PPP2R5E: variants seen among roughly 807,000 people sequenced by gnomAD.
PPP2R5E encodes the protein serine/threonine-protein phosphatase 2A 56 kDa regulatory subunit epsilon isoform.
PPP2R5E carries 4 observed loss-of-function variants against 65.3 expected under a neutral mutation model. The observed-to-expected ratio is 0.06, with a 90% CI of 0.03 to 0.14. PPP2R5E has a LOEUF of 0.14. PPP2R5E is among the 10% of genes least tolerant of loss of function. The pLI is 1.00. For missense variants in PPP2R5E, 274 were observed against 556.1 expected (o/e 0.49, Z 5.10); for synonymous variants, 183 against 187.4 (o/e 0.98, Z 0.19).
At chr14:63,481,925 G>T (rs1207769155) in intron 2 of PPP2R5E, among the ~76,000 whole-genome samples, 2 of 152,134 alleles carry the variant, frequency 1.3e-5, no homozygotes, top group Non-Finnish European at 2.9e-5. Flanking sequence ...AACAGTTAAA[G>T]AATTCATTCA....
Position 63,543,111 on chromosome 14 carries a change from G to T in PPP2R5E, c.-340C>A, listed in dbSNP as rs1893976268. 6.5e-6 allele frequency: 1 copy of T among 153,026 alleles called. No homozygotes were observed. Among genetic ancestry groups the T allele is most frequent in the Admixed American group, 6.5e-5 (1 of 15,286 alleles). The allele number at this position is 153,026 out of a possible 1,614,324, so 9.5% of individuals were successfully genotyped here. A position where few individuals can be genotyped will look rare whatever the true frequency, so the allele number is the denominator to read the frequency against. On this transcript the variant is annotated 5_prime_UTR_variant, in exon 1 of 14. Transcript: ENST00000337537. ...TCCTCGCTCACATTCCTGGCGGGCG[G>T]CGCCTCAGCTCGTTGCCCCGGACCC...
intron 3 of PPP2R5E, among the ~76,000 whole-genome samples, chr14:63,446,601 G>A (rs529772753): frequency 8.5e-5 from 13 of 152,170 alleles, no homozygotes; most frequent in African/African-American, 2.6e-4. Flanking sequence ...AGGCCGAGGC[G>A]GGTGGACCAC....
At chr14:63,508,563 C>A (rs1366865450) in intron 2 of PPP2R5E, among the ~76,000 whole-genome samples, 1 of 152,164 alleles carries the variant, frequency 6.6e-6, no homozygotes, top group African/African-American at 2.4e-5. Flanking sequence ...CCCCTTTTTA[C>A]CACCAAGGAA....
At chr14:63,443,375 A>G (rs143310148) in intron 3 of PPP2R5E, among the ~76,000 whole-genome samples, 171 of 152,352 alleles carry the variant, frequency 1.1e-3, no homozygotes, top group African/African-American at 3.9e-3. Context: ...TAGAGACAAA[A>G]TAAAAATAAT....
intron 2 of PPP2R5E, among the ~76,000 whole-genome samples, chr14:63,534,350 C>T (rs558237708): frequency 2.0e-5 from 3 of 152,022 alleles, no homozygotes; most frequent in African/African-American, 4.8e-5. Flanking sequence ...CTGCAACCTC[C>T]ACCTCCCGGG....
At chr14:63,382,241 G>T in intron 12 of PPP2R5E, 84 bp from the exon 13 acceptor site, 1 of 1,026,126 alleles carries the variant, frequency 9.7e-7, no homozygotes, top group Non-Finnish European at 1.5e-6. Context: ...CACAACTTTT[G>T]TCTGAATGAT....
chr14:63,474,094 C>T lies in PPP2R5E; in HGVS notation c.158-20209G>A, dbSNP rs924458004. 3.3e-5 allele frequency among the ~76,000 whole-genome samples: 5 copies of T among 152,182 alleles called. No homozygotes were observed. The East Asian group carries it at 9.6e-4, about 29-fold the overall frequency. Reference sequence around the variant, plus strand: ...AGAAACAGGGACACCAGTTAGGAGACTACAGCTACATAGGAGGCAACTGTT... The same window carrying T: ...AGAAACAGGGACACCAGTTAGGAGATTACAGCTACATAGGAGGCAACTGTT... On this transcript the variant is annotated intron_variant, in intron 2 of 13. Transcript: ENST00000337537.
At chr14:63,438,312 G>T (rs772411208) in intron 3 of PPP2R5E, among the ~76,000 whole-genome samples, 2 of 152,202 alleles carry the variant, frequency 1.3e-5, no homozygotes, top group African/African-American at 4.8e-5. Context: ...CTCCTCAGTA[G>T]AGAGACAGCC....
intron 5 of PPP2R5E, among the ~76,000 whole-genome samples, chr14:63,405,535 T>A (rs1886019190): frequency 6.6e-6 from 1 of 152,230 alleles, no homozygotes; most frequent in Non-Finnish European, 1.5e-5. Context: ...TACAAATTAC[T>A]AAATAGCAAT....
intron 10 of PPP2R5E, 40 bp from the exon 11 acceptor site, chr14:63,389,771 T>A (rs760953196): frequency 2.6e-5 from 39 of 1,516,444 alleles, no homozygotes; most frequent in Non-Finnish European, 3.3e-5. Context: ...AGGCACATCA[T>A]GAAAAAAAAT....
At chr14:63,421,005 ATCC>A (rs1225826777) in intron 4 of PPP2R5E, among the ~76,000 whole-genome samples, 1 of 119,474 alleles carries the variant, frequency 8.4e-6, no homozygotes, top group African/African-American at 3.5e-5. Context: ...GTGAGCCGAG[ATCC>A]CGCCACTGCA....
intron 2 of PPP2R5E, among the ~76,000 whole-genome samples, chr14:63,471,611 A>C (rs1343481954): frequency 1.3e-5 from 2 of 152,152 alleles, no homozygotes; most frequent in Admixed American, 1.3e-4. Flanking sequence ...TCCTTTCTAC[A>C]ATGCTGTGAG....
chr14:63,535,894 A>G (rs1893655972), intron 2 of PPP2R5E, among the ~76,000 whole-genome samples: 1 of 152,222 alleles, frequency 6.6e-6, no homozygotes, highest in Non-Finnish European at 1.5e-5. Context: ...AATCCTAGAA[A>G]AGAAATTCCT....
intron 2 of PPP2R5E, among the ~76,000 whole-genome samples, chr14:63,462,090 A>T (rs113650906): frequency 0.028 from 4,047 of 145,442 alleles, 164 homozygotes; most frequent in African/African-American, 0.094. Flanking sequence ...TTTTTTTTTT[A>T]GACGGAGTCT....
At chr14:63,492,776 T>C (rs1891343408) in intron 2 of PPP2R5E, among the ~76,000 whole-genome samples, 2 of 152,164 alleles carry the variant, frequency 1.3e-5, no homozygotes, top group South Asian at 4.1e-4. Context: ...TGGTGGCATG[T>C]GTGTGTTTTA....
In PPP2R5E at chr14:63,508,438, A is replaced by G. The variant is rs139302835; in HGVS notation, c.157+31091T>C. Among the ~76,000 whole-genome samples the G allele has an allele frequency of 5.0e-3, 767 of 152,312 alleles. 14 individuals carry two copies. The South Asian group carries it at 0.073, about 14-fold the overall frequency. ...GGTATCATTTTCCTGAATTCTTCAG[A>G]AAATATGCCTTCTATATATATTAGC... is the stretch of plus-strand genomic sequence containing the variant. On this transcript the variant is annotated intron_variant, in intron 2 of 13. Coordinates refer to ENST00000337537, the MANE Select transcript of PPP2R5E (RefSeq NM_006246.5).
intron 3 of PPP2R5E, among the ~76,000 whole-genome samples, chr14:63,429,346 T>C (rs1413761464): frequency 6.6e-6 from 1 of 152,212 alleles, no homozygotes; most frequent in Non-Finnish European, 1.5e-5. Context: ...AAGAATGTTA[T>C]CATGGCTATA....
At chr14:63,496,390 G>A (rs1167849498) in intron 2 of PPP2R5E, among the ~76,000 whole-genome samples, 1 of 145,978 alleles carries the variant, frequency 6.9e-6, no homozygotes, top group Non-Finnish European at 1.5e-5. Context: ...ATTGCAATGA[G>A]CCAAGATCAC....
intron 7 of PPP2R5E, 94 bp downstream of exon 7, chr14:63,395,132 C>T: frequency 2.0e-6 from 2 of 1,020,090 alleles, no homozygotes; most frequent in Non-Finnish European, 3.0e-6. Flanking sequence ...GTACATACAG[C>T]AAGAGAACTA....
Sources: allele counts gnomAD v4.1 joint callset (sites outside exome capture counted in the v4.1 genomes callset), GRCh38; gene constraint gnomAD v4.1.1; transcripts MANE v1.5; gene names NCBI Gene and HGNC (gene_info 2026-07-23, HGNC 2026-07-21).